PNPT1: variants seen among roughly 807,000 people sequenced by gnomAD.
The protein encoded by PNPT1 is polyribonucleotide nucleotidyltransferase 1, mitochondrial.
Under a neutral mutation model 119.5 loss-of-function variants are expected in PNPT1, and 53 were observed. That is an observed-to-expected ratio of 0.44 (90% CI 0.36 to 0.56). The LOEUF is 0.56. Ranked by LOEUF, PNPT1 falls within the 20% of genes least tolerant of loss-of-function variation. The probability of loss-of-function intolerance (pLI) is 0.00; values close to 1 mark genes in which losing one functional copy is unlikely to be tolerated. For missense variants in PNPT1, 948 were observed against 938.5 expected (o/e 1.01, Z -0.13); for synonymous variants, 357 against 322.1 (o/e 1.11, Z -1.16).
At chr2:55,681,505 G>A (rs534118372) in intron 5 of PNPT1, among the ~76,000 whole-genome samples, 20 of 151,982 alleles carry the variant, frequency 1.3e-4, no homozygotes, top group Non-Finnish European at 1.2e-4. Flanking sequence ...CACAGTCCTC[G>A]CATGTTGCAA....
chr2:55,641,041 T>C (rs759007331), intron 25 of PNPT1, among the ~76,000 whole-genome samples: 16 of 151,906 alleles, frequency 1.1e-4, no homozygotes, highest in Non-Finnish European at 2.9e-5. Context: ...CTGGCCAACA[T>C]GGTGAAACCC....
rs769766036 is a variant in PNPT1, at chr2:55,667,836, A to G, written c.1073+26T>C. On this transcript the variant is annotated intron_variant, in intron 12 of 27. Coordinates refer to ENST00000447944, the MANE Select transcript of PNPT1 (RefSeq NM_033109.5). ...ACTTGCAGAGACAGTGCATACTTCA[A>G]TTTCAACAAAAAAGGGTATGTTTAC... 2.5e-6 allele frequency: 4 copies of G among 1,591,228 alleles called. No individual in the cohort carries two copies. In the Admixed American group the frequency reaches 5.6e-5, roughly 22 times the overall value.
intron 22 of PNPT1, chr2:55,644,924 G>A (rs2104030524): frequency 2.6e-6 from 1 of 390,272 alleles, no homozygotes; most frequent in Non-Finnish European, 4.5e-6. Flanking sequence ...AACTACAAAA[G>A]TATTTAAAAT....
At chr2:55,667,128 C>T (rs766709880) in intron 12 of PNPT1, 35 bp from the exon 13 acceptor site, 89 of 1,505,074 alleles carry the variant, frequency 5.9e-5, no homozygotes, top group African/African-American at 8.3e-5. Flanking sequence ...CATTAAGTAA[C>T]GCTGGAAACA....
At chr2:55,689,946 C>T (rs530150647) in intron 1 of PNPT1, among the ~76,000 whole-genome samples, 12 of 152,204 alleles carry the variant, frequency 7.9e-5, no homozygotes, top group South Asian at 6.2e-4. Flanking sequence ...CTCAGCCTCC[C>T]GAGTAGCTCG....
At chr2:55,661,455 G>C (rs1460624106) in intron 14 of PNPT1, among the ~76,000 whole-genome samples, 1 of 152,078 alleles carries the variant, frequency 6.6e-6, no homozygotes, top group Admixed American at 6.6e-5. Context: ...CTTATCATCG[G>C]AATTGATTAG....
At chr2:55,682,966 G>C (rs1697294906) in intron 5 of PNPT1, among the ~76,000 whole-genome samples, 1 of 152,108 alleles carries the variant, frequency 6.6e-6, no homozygotes, top group African/African-American at 2.4e-5. Flanking sequence ...TCTTGCAAAG[G>C]CATATTTGCA....
At position 55,683,818 on chromosome 2, in the gene PNPT1, C is replaced by A. The variant is rs1283394429; in HGVS notation, c.420G>T (p.Pro140=). 1 of 1,613,096 alleles carries A rather than the reference C, an allele frequency of 6.2e-7. No homozygotes were observed. Among genetic ancestry groups the A allele is most frequent in the South Asian group, 1.1e-5 (1 of 91,000 alleles). ...CATAGAAGTAGCCAGCTGGAAAGAG[C>A]GGTCTAATTGAACGATCTGCCAAAA... ...TSRIIDRSIR[P]LFPAGYFYDT... is the part of the protein sequence containing the mutation. Residue 140 remains proline, a synonymous_variant, in exon 5 of 28, where the codon CCG becomes CCT. Coordinates refer to ENST00000447944, the MANE Select transcript of PNPT1 (RefSeq NM_033109.5).
In PNPT1 at chr2:55,636,155, T is replaced by C; in HGVS notation, c.*82A>G. On this transcript the variant is annotated 3_prime_UTR_variant, in exon 28 of 28. Coordinates refer to ENST00000447944, the MANE Select transcript of PNPT1 (RefSeq NM_033109.5). Reference sequence around the variant, plus strand: ...TTATATTATATAGAAATCTACACAATGGAAGATACTACTAAAATGTTGCTC... The same window carrying C: ...TTATATTATATAGAAATCTACACAACGGAAGATACTACTAAAATGTTGCTC... The C allele has an allele frequency of 1.0e-6, 1 of 970,294 alleles. No individual in the cohort carries two copies. The highest frequency in any genetic ancestry group is 2.6e-5 in the East Asian group (1 of 38,236). The allele number at this position is 970,294 out of a possible 1,614,324, so 60.1% of individuals were successfully genotyped here. A position where few individuals can be genotyped will look rare whatever the true frequency, so the allele number is the denominator to read the frequency against.
At chr2:55,650,800 C>T (rs1323280004) in intron 18 of PNPT1, among the ~76,000 whole-genome samples, 14 of 141,086 alleles carry the variant, frequency 9.9e-5, no homozygotes, top group African/African-American at 2.7e-4. Flanking sequence ...GCAGCCGCGC[C>T]GTCTGAGAAG....
intron 15 of PNPT1, among the ~76,000 whole-genome samples, chr2:55,658,704 C>T (rs1696468236): frequency 6.6e-6 from 1 of 152,134 alleles, no homozygotes; most frequent in Non-Finnish European, 1.5e-5. Flanking sequence ...CTGCTTTACT[C>T]AATTATAATT....
chr2:55,668,741 A>G (rs1043771996), intron 11 of PNPT1, among the ~76,000 whole-genome samples: 1 of 152,136 alleles, frequency 6.6e-6, no homozygotes. Flanking sequence ...CTGGGATTAT[A>G]GGCATGTGCC....
intron 15 of PNPT1, among the ~76,000 whole-genome samples, chr2:55,657,512 C>T (rs1402614282): frequency 6.6e-6 from 1 of 151,456 alleles, no homozygotes; most frequent in Non-Finnish European, 1.5e-5. Context: ...CTCAGCCTCC[C>T]AAGTAGCTGG....
At chr2:55,646,053 C>A (rs549706786) in intron 21 of PNPT1, among the ~76,000 whole-genome samples, 6 of 152,250 alleles carry the variant, frequency 3.9e-5, no homozygotes, top group African/African-American at 1.4e-4. Context: ...GTCTCGAACT[C>A]CTGACCTGAA....
At chr2:55,671,275 G>A in intron 11 of PNPT1, 44 bp downstream of exon 11, 1 of 1,138,616 alleles carries the variant, frequency 8.8e-7, no homozygotes, top group Non-Finnish European at 1.2e-6. Context: ...CCTTATTAAA[G>A]CTGCCCTCAG....
At chr2:55,681,808 GT>G (rs1324080612) in intron 5 of PNPT1, among the ~76,000 whole-genome samples, 2 of 132,268 alleles carry the variant, frequency 1.5e-5, no homozygotes, top group Non-Finnish European at 3.1e-5. Context: ...CGCGCCATTG[GT>G]CTCCAGCCTG....
Position 55,660,168 on chromosome 2 carries a change from G to T in PNPT1, c.1273C>A (p.Leu425Met). Residue 425 changes from leucine to methionine, a missense_variant, in exon 15 of 28, where the codon CTG (leucine) becomes ATG (methionine). Coordinates refer to ENST00000447944, the MANE Select transcript of PNPT1 (RefSeq NM_033109.5). ...INGIKDKNFM[L>M]HYEFPPYATN... ...AAAATTCACCTTACCTCGTAGTGCA[G>T]CATGAAATTTTTATCTTTTATCCCA... 1 of 1,590,502 alleles carries T rather than the reference G, an allele frequency of 6.3e-7. No individual in the cohort carries two copies. The highest frequency in any genetic ancestry group is 8.6e-7 in the Non-Finnish European group (1 of 1,169,066).
rs1310289487 is a variant in PNPT1, at chr2:55,661,820, G to A, written c.1247+136C>T. ...CACACACAAAATCCTTTGAAATCAT[G>A]ATGATGTAAACAGAAAAATGAAGTA... is the stretch of plus-strand genomic sequence containing the variant. On this transcript the variant is annotated intron_variant, in intron 14 of 27. Transcript: ENST00000447944. 8 of 779,500 alleles carry A rather than the reference G, an allele frequency of 1.0e-5. No homozygotes were observed. The South Asian group carries it at 2.2e-4, about 22-fold the overall frequency. 48.3% of individuals were successfully genotyped at this position (779,500 alleles called of 1,614,324 possible).
chr2:55,650,755 C>T lies in PNPT1; in HGVS notation c.1496-3302G>A, dbSNP rs369966530. On this transcript the variant is annotated intron_variant, in intron 18 of 27. Transcript: ENST00000447944. ...GTGAGGAGACCCTCCGCCCGGCAAC[C>T]GCCCAGTCTGAGAAGTGAGGAGCCC... Among the ~76,000 whole-genome samples the T allele has an allele frequency of 2.7e-4, 41 of 150,596 alleles. 1 individual carries two copies. The East Asian group carries it at 4.2e-3, about 15-fold the overall frequency.
Sources: gnomAD v4.1 joint callset for allele counts (sites outside exome capture counted in the v4.1 genomes callset) on GRCh38, gnomAD v4.1.1 for gene constraint, MANE v1.5 for transcripts, NCBI Gene and HGNC (gene_info 2026-07-23, HGNC 2026-07-21) for gene names.